The following RSPH3 variants were observed in gnomAD, a reference collection of about 807,000 sequenced individuals.
RSPH3 encodes the protein radial spoke head protein 3 homolog.
Under a neutral mutation model 43.8 loss-of-function variants are expected in RSPH3, and 21 were observed. The observed-to-expected ratio is 0.48, with a 90% CI of 0.34 to 0.69. RSPH3 has a LOEUF of 0.69. Ranked by LOEUF, RSPH3 falls within the 30% of genes least tolerant of loss-of-function variation. The pLI is 0.01. For missense variants in RSPH3, 487 were observed against 516.0 expected, an observed-to-expected ratio of 0.94 and a Z score of 0.54; for synonymous variants, 173 against 179.8, an observed-to-expected ratio of 0.96 and a Z score of 0.30.
the RSPH3 span, among the ~76,000 whole-genome samples, chr6:158,963,310 C>T: frequency 1.3e-5 from 2 of 150,794 alleles, no homozygotes; most frequent in Non-Finnish European, 3.0e-5. Flanking sequence ...CTCTTCCTCC[C>T]TCCCTCCTCT....
intron 1 of RSPH3, among the ~76,000 whole-genome samples, chr6:158,998,297 CAAAAAAAAAAA>C (rs71297000): frequency 1.9e-5 from 1 of 53,922 alleles, no homozygotes; most frequent in Non-Finnish European, 3.6e-5. Context: ...TAAAAAAATA[CAAAAAAAAAAA>C]AAAAAAAAAA....
At chr6:158,994,739 A>G (rs1778535073) in intron 1 of RSPH3, among the ~76,000 whole-genome samples, 1 of 152,256 alleles carries the variant, frequency 6.6e-6, no homozygotes, top group African/African-American at 2.4e-5. Context: ...AACACAGTTG[A>G]TATTTCCATT....
chr6:158,977,578 G>A lies in RSPH3; in HGVS notation c.1217C>T (p.Thr406Ile). Residue 406 changes from threonine to isoleucine, a missense_variant, in exon 8 of 8, where the codon ACA (threonine) becomes ATA (isoleucine). Physicochemically the swap from Thr to Ile is moderately conservative, Grantham distance 89 (BLOSUM62 -1). Coordinates refer to ENST00000367069, the MANE Select transcript of RSPH3 (RefSeq NM_031924.8). The part of the protein sequence containing the change: ...ERELLGQDEE[T>I]AMRKSLGEEE... ...CTCCCCTAAGGACTTCCTCATTGCTGTTTCTTCATCTTGCCCTAAGAGTTC... is the reference window on the plus strand; with the variant it reads ...CTCCCCTAAGGACTTCCTCATTGCTATTTCTTCATCTTGCCCTAAGAGTTC... The A allele has an allele frequency of 1.2e-6, 2 of 1,613,596 alleles. No individual in the cohort carries two copies. The highest frequency in any genetic ancestry group is 1.7e-6 in the Non-Finnish European group (2 of 1,179,930).
At chr6:158,978,207 T>C in intron 7 of RSPH3, 53 bp downstream of exon 7, 3 of 885,684 alleles carry the variant, frequency 3.4e-6, no homozygotes, top group Non-Finnish European at 5.6e-6. Flanking sequence ...GTTATTCAAT[T>C]TATTCTTTCT....
At chr6:158,972,860 A>G (rs1777715188), downstream of RSPH3, 1 of 152,222 alleles carries the variant, frequency 6.6e-6, no homozygotes, top group African/African-American at 2.4e-5. Context: ...TTTATGAAAA[A>G]CAGAAGAACA....
intron 2 of RSPH3, among the ~76,000 whole-genome samples, chr6:158,993,012 G>A (rs758798271): frequency 3.3e-5 from 5 of 152,218 alleles, no homozygotes; most frequent in Non-Finnish European, 7.3e-5. Flanking sequence ...CCTCTGGCTA[G>A]TGTCTATAAA....
rs1282331849 is a variant in RSPH3, at chr6:158,986,368, C to T, written c.258G>A (p.Arg86=). ...ELQRQREARK[R]ALARKQAQEQ... ...CTTGGGCTTGTTTTCTGGCAAGAGCCCTCTTCCTAGCCTCCCGTTGTCTCT... is the reference window on the plus strand; with the variant it reads ...CTTGGGCTTGTTTTCTGGCAAGAGCTCTCTTCCTAGCCTCCCGTTGTCTCT... The change falls in exon 3 of 8, where the codon AGG becomes AGA. Residue 86 remains arginine (R), a synonymous_variant. Transcript: ENST00000367069. 1 of 1,614,050 alleles carries T rather than the reference C, an allele frequency of 6.2e-7. No individual in the cohort carries two copies. Among genetic ancestry groups the T allele is most frequent in the Non-Finnish European group, 8.5e-7 (1 of 1,179,934 alleles).
chr6:158,983,729 G>A lies in RSPH3; in HGVS notation c.425C>T (p.Pro142Leu), dbSNP rs999268567. Reference protein sequence around the residue: ...ECQTDAFLDRPPTPLFIPAKT... With the variant: ...ECQTDAFLDRLPTPLFIPAKT... ...GGCAGGAATAAAGAGTGGTGTTGGT[G>A]GTCTGTCCAAAAATGCATCTGTTTG... Residue 142 changes from proline (P) to leucine (L), a missense_variant, in exon 4 of 8, where the codon CCA (proline) becomes CTA (leucine). Coordinates refer to ENST00000367069, the MANE Select transcript of RSPH3 (RefSeq NM_031924.8). The A allele has an allele frequency of 2.5e-6, 4 of 1,611,810 alleles. No homozygotes were observed. Among genetic ancestry groups the A allele is most frequent in the Middle Eastern group, 1.7e-4 (1 of 6,056 alleles).
In RSPH3 at chr6:158,980,770, A is replaced by C; in HGVS notation, c.859+4T>G. Reference sequence around the variant, plus strand: ...AAATTAATCTAACAAAAATATCTACAAACCTCTTTCAATGGGATCATAAAA... The same window carrying C: ...AAATTAATCTAACAAAAATATCTACCAACCTCTTTCAATGGGATCATAAAA... On this transcript the variant is annotated splice_donor_region_variant and intron_variant, in intron 6 of 7. Coordinates refer to ENST00000367069, the MANE Select transcript of RSPH3 (RefSeq NM_031924.8). 1.9e-6 allele frequency: 3 copies of C among 1,610,906 alleles called. No homozygotes were observed. The highest frequency in any genetic ancestry group is 1.1e-5 in the South Asian group (1 of 90,950).
chr6:158,990,594 A>G, intron 2 of RSPH3: 1 of 152,082 alleles, frequency 6.6e-6, no homozygotes, highest in East Asian at 1.9e-4. Context: ...ACTGCCATTT[A>G]AATCATTGTT....
intron 1 of RSPH3, among the ~76,000 whole-genome samples, chr6:158,999,032 G>A (rs1475617051): frequency 6.6e-6 from 1 of 152,162 alleles, no homozygotes; most frequent in Non-Finnish European, 1.5e-5. Context: ...TTTGCACCGC[G>A]GTCTCCTCAT....
At chr6:158,982,057 C>A (rs1274708387) in intron 5 of RSPH3, among the ~76,000 whole-genome samples, 1 of 152,102 alleles carries the variant, frequency 6.6e-6, no homozygotes, top group Non-Finnish European at 1.5e-5. Context: ...GAAAAAGAAT[C>A]AGAATTCTAT....
the RSPH3 span, among the ~76,000 whole-genome samples, chr6:158,965,325 G>T: frequency 1.3e-5 from 2 of 152,074 alleles, no homozygotes; most frequent in Non-Finnish European, 2.9e-5. Context: ...AAAAAAGTCT[G>T]TTGGGATTTT....
chr6:158,995,152 C>A (rs752054432), intron 1 of RSPH3, among the ~76,000 whole-genome samples: 6 of 152,134 alleles, frequency 3.9e-5, no homozygotes, highest in Non-Finnish European at 7.4e-5. Flanking sequence ...AATCCATATA[C>A]CCAAAACTCT....
At chr6:158,969,629 G>C (rs1189606452), downstream of RSPH3, among the ~76,000 whole-genome samples, 1 of 152,076 alleles carries the variant, frequency 6.6e-6, no homozygotes, top group East Asian at 1.9e-4. Flanking sequence ...TCTCCTTCTG[G>C]GGATGTGTAC....
chr6:158,981,847 G>T (rs1778039645), intron 5 of RSPH3, among the ~76,000 whole-genome samples: 1 of 151,920 alleles, frequency 6.6e-6, no homozygotes, highest in Non-Finnish European at 1.5e-5. Flanking sequence ...TACAACAAAG[G>T]CTGACAGTTA....
chr6:158,985,925 T>C (rs567587706), intron 3 of RSPH3, among the ~76,000 whole-genome samples: 185 of 151,836 alleles, frequency 1.2e-3, no homozygotes, highest in Non-Finnish European at 2.3e-3. Context: ...GCGATTCTCC[T>C]GTCTTAGCCT....
rs1562563606 is a variant in RSPH3 at position 158,987,025 on chromosome 6, CT to C, written c.205-605del. On this transcript the variant is annotated intron_variant, in intron 2 of 7. Transcript: ENST00000367069. ...CACCAATTTTCTTTTCTTTCTTTTT[CT>C]TTTTTTCCTGATTTTCTGTTTGGAT... Among the ~76,000 whole-genome samples, 6 of 152,132 alleles carry C rather than the reference CT, an allele frequency of 3.9e-5. No homozygotes were observed. In the South Asian group the frequency reaches 6.2e-4, roughly 16 times the overall value.
Position 158,974,541 on chromosome 6 carries a change from C to T in RSPH3, c.*2997G>A, listed in dbSNP as rs140610019. 96 of 152,290 alleles carry T rather than the reference C, an allele frequency of 6.3e-4. No individual in the cohort carries two copies. In the East Asian group the frequency reaches 0.015, roughly 23 times the overall value. The allele number at this position is 152,290 out of a possible 1,614,324, so 9.4% of individuals were successfully genotyped here. A position where few individuals can be genotyped will look rare whatever the true frequency, so the allele number is the denominator to read the frequency against. On this transcript the variant is annotated 3_prime_UTR_variant, in exon 8 of 8. Transcript: ENST00000367069. ...GGTACTTGAAGAAATTCTTCATAAA[C>T]TTTGTTTCCATTTAACATTCTTCTC...
Sources: gnomAD v4.1 joint callset for allele counts (sites outside exome capture counted in the v4.1 genomes callset) on GRCh38, gnomAD v4.1.1 for gene constraint, MANE v1.5 for transcripts, NCBI Gene and HGNC (gene_info 2026-07-23, HGNC 2026-07-21) for gene names.